TRABD2B: variants seen among roughly 807,000 people sequenced by gnomAD.
TRABD2B encodes TraB domain containing 2B.
TRABD2B carries 14 observed loss-of-function variants against 40.1 expected under a neutral mutation model. That is an observed-to-expected ratio of 0.35 (90% CI 0.23 to 0.55). The LOEUF (loss-of-function observed/expected upper bound fraction) is 0.55, where lower values mean the gene tolerates loss of function less well. Ranked by LOEUF, TRABD2B falls within the 20% of genes least tolerant of loss-of-function variation. The pLI, the probability that TRABD2B is intolerant of heterozygous loss-of-function variation, is 0.90. For synonymous variants in TRABD2B, 263 were observed against 277.0 expected, an observed-to-expected ratio of 0.95 and a Z score of 0.50; for missense variants, 541 against 648.6, an observed-to-expected ratio of 0.83 and a Z score of 1.80.
intron 2 of TRABD2B, among the ~76,000 whole-genome samples, chr1:47,969,821 G>C (rs1645655319): frequency 6.6e-6 from 1 of 152,162 alleles, no homozygotes; most frequent in Admixed American, 6.5e-5. Flanking sequence ...CCTGGTCCCA[G>C]GTGAAGCCAG....
chr1:47,997,341 C>G lies in TRABD2B; in HGVS notation c.-552G>C. The G allele has an allele frequency of 2.7e-6, 1 of 376,716 alleles. No homozygotes were observed. The highest frequency in any genetic ancestry group is 3.6e-6 in the Non-Finnish European group (1 of 277,988). 23.3% of individuals were successfully genotyped at this position (376,716 alleles called of 1,614,324 possible). ...CGGCGGGCGGCCGCGCGGCCGCTGCCCGGGCTCCGCCATGCTGCTCCGCGG... is the reference window on the plus strand; with the variant it reads ...CGGCGGGCGGCCGCGCGGCCGCTGCGCGGGCTCCGCCATGCTGCTCCGCGG... On this transcript the variant is annotated 5_prime_UTR_variant, in exon 1 of 7. Transcript: ENST00000606738.
intron 2 of TRABD2B, among the ~76,000 whole-genome samples, chr1:47,889,139 G>T (rs1409209628): frequency 6.6e-6 from 1 of 152,180 alleles, no homozygotes; most frequent in East Asian, 1.9e-4. Flanking sequence ...TGCACAGAAA[G>T]AACCCAATGA....
At chr1:47,904,094 C>T (rs1008495495) in intron 2 of TRABD2B, among the ~76,000 whole-genome samples, 1 of 152,140 alleles carries the variant, frequency 6.6e-6, no homozygotes, top group Non-Finnish European at 1.5e-5. Flanking sequence ...TAAAATAAGG[C>T]CTGCAGAAGG....
chr1:47,849,659 T>C (rs530727533), intron 2 of TRABD2B, among the ~76,000 whole-genome samples: 3 of 152,324 alleles, frequency 2.0e-5, no homozygotes, highest in South Asian at 2.1e-4. Context: ...CCATCTGGCA[T>C]TGGGCATTGT....
chr1:47,795,723 A>G (rs534659400), intron 3 of TRABD2B: 80 of 985,262 alleles, frequency 8.1e-5, no homozygotes, highest in Non-Finnish European at 9.2e-5. Flanking sequence ...GATTTTCCCA[A>G]TGCCTGAGCC....
intron 2 of TRABD2B, among the ~76,000 whole-genome samples, chr1:47,979,048 G>T (rs57263078): frequency 6.6e-6 from 1 of 152,022 alleles, no homozygotes; most frequent in Admixed American, 6.5e-5. Flanking sequence ...ACCAGGAGTC[G>T]GTCAGAGCAC....
At chr1:47,885,394 T>C (rs1169501516) in intron 2 of TRABD2B, among the ~76,000 whole-genome samples, 1 of 152,166 alleles carries the variant, frequency 6.6e-6, no homozygotes, top group Non-Finnish European at 1.5e-5. Context: ...CAGCACCCCC[T>C]TTCAGGCTGT....
At chr1:47,865,861 T>C (rs1385511126) in intron 2 of TRABD2B, among the ~76,000 whole-genome samples, 4 of 151,974 alleles carry the variant, frequency 2.6e-5, no homozygotes, top group African/African-American at 9.7e-5. Context: ...ATGCACTCAG[T>C]GGGTTTGAAA....
At chr1:47,805,658 C>G (rs933642991) in intron 2 of TRABD2B, among the ~76,000 whole-genome samples, 1 of 152,142 alleles carries the variant, frequency 6.6e-6, no homozygotes, top group Non-Finnish European at 1.5e-5. Context: ...CTGCCCCGTA[C>G]CATCATTTTG....
intron 2 of TRABD2B, among the ~76,000 whole-genome samples, chr1:47,904,641 C>T (rs1264892007): frequency 6.6e-6 from 1 of 152,128 alleles, no homozygotes; most frequent in Non-Finnish European, 1.5e-5. Context: ...ATCATGCACT[C>T]CCAAGGGAGA....
intron 2 of TRABD2B, among the ~76,000 whole-genome samples, chr1:47,857,956 C>T (rs1288523759): frequency 7.2e-6 from 1 of 138,022 alleles, no homozygotes; most frequent in African/African-American, 2.8e-5. Flanking sequence ...GGTGAGTACA[C>T]ACAATAAAAT....
chr1:47,990,126 C>T (rs958976294), intron 2 of TRABD2B, among the ~76,000 whole-genome samples: 3 of 152,194 alleles, frequency 2.0e-5, no homozygotes, highest in Non-Finnish European at 2.9e-5. Context: ...TTTTGCACAC[C>T]TTTGGCAGGC....
intron 6 of TRABD2B, among the ~76,000 whole-genome samples, chr1:47,767,792 C>T (rs35105673): frequency 0.022 from 3,359 of 152,312 alleles, 73 homozygotes; most frequent in South Asian, 0.091. Context: ...TGCCCCACCT[C>T]GACAGGCTGC....
chr1:47,984,734 G>C (rs1180695885), intron 2 of TRABD2B, among the ~76,000 whole-genome samples: 1 of 152,000 alleles, frequency 6.6e-6, no homozygotes, highest in African/African-American at 2.4e-5. Flanking sequence ...GGTTCACCTG[G>C]GCTTCTTCCA....
At chr1:47,931,320 AG>A (rs1271187766) in intron 2 of TRABD2B, among the ~76,000 whole-genome samples, 2 of 152,110 alleles carry the variant, frequency 1.3e-5, no homozygotes, top group African/African-American at 4.8e-5. Flanking sequence ...AGGCCCATGA[AG>A]GTATAGCCAG....
intron 4 of TRABD2B, among the ~76,000 whole-genome samples, chr1:47,780,305 A>G (rs1291529656): frequency 2.6e-5 from 4 of 152,170 alleles, no homozygotes; most frequent in African/African-American, 7.2e-5. Flanking sequence ...GCTATGCATA[A>G]TATCTATAGG....
chr1:47,968,553 C>T, intron 2 of TRABD2B, among the ~76,000 whole-genome samples: 1 of 149,914 alleles, frequency 6.7e-6, no homozygotes, highest in South Asian at 2.1e-4. Context: ...CACATGCGTG[C>T]ACACACACAC....
chr1:47,904,028 T>A (rs932860099), intron 2 of TRABD2B, among the ~76,000 whole-genome samples: 1 of 152,140 alleles, frequency 6.6e-6, no homozygotes, highest in Non-Finnish European at 1.5e-5. Context: ...CATGAGCTCA[T>A]CCTGGGGAAG....
intron 2 of TRABD2B, among the ~76,000 whole-genome samples, chr1:47,986,049 G>A (rs1026175235): frequency 2.0e-5 from 3 of 152,132 alleles, no homozygotes; most frequent in African/African-American, 4.8e-5. Flanking sequence ...AGCAAGCAAA[G>A]AATAAAAAGC....
Sources: gnomAD v4.1 joint callset for allele counts (sites outside exome capture counted in the v4.1 genomes callset) on GRCh38, gnomAD v4.1.1 for gene constraint, MANE v1.5 for transcripts, NCBI Gene and HGNC (gene_info 2026-07-23, HGNC 2026-07-21) for gene names.